The following RANBP2 variants were observed in gnomAD, a reference collection of about 807,000 sequenced individuals.
The protein encoded by RANBP2 is RAN binding protein 2.
In RANBP2, 57 loss-of-function variants were observed where a neutral mutation model predicts 303.6. The observed-to-expected ratio is 0.19, with a 90% confidence interval of 0.15 to 0.23. The LOEUF is 0.23. RANBP2 is among the 10% of genes least tolerant of loss of function. The pLI, the probability that RANBP2 is intolerant of heterozygous loss-of-function variation, is 1.00. For synonymous variants in RANBP2, 1,167 were observed against 1,301.5 expected (o/e 0.90, Z 2.23); for missense variants, 3,138 against 3,780.8 (o/e 0.83, Z 4.46).
At chr2:108,941,005 C>T in the RANBP2 span, among the ~76,000 whole-genome samples, 1 of 152,170 alleles carries the variant, frequency 6.6e-6, no homozygotes, top group Non-Finnish European at 1.5e-5. Context: ...TCTCTTGCGC[C>T]CTTGATCATC....
chr2:109,546,569 A>C, the RANBP2 span, among the ~76,000 whole-genome samples: 1 of 152,168 alleles, frequency 6.6e-6, no homozygotes, highest in Non-Finnish European at 1.5e-5. Flanking sequence ...TCCATGCTCA[A>C]TAAAAATAAG....
the RANBP2 span, among the ~76,000 whole-genome samples, chr2:109,297,081 G>T: frequency 4.7e-3 from 712 of 152,158 alleles, 6 homozygotes; most frequent in African/African-American, 0.016. Flanking sequence ...TGGTCCAGGT[G>T]GGGGGTGACC....
the RANBP2 span, among the ~76,000 whole-genome samples, chr2:109,276,801 C>T: frequency 6.6e-6 from 1 of 152,136 alleles, no homozygotes; most frequent in Non-Finnish European, 1.5e-5. Context: ...ATATATACTA[C>T]CTTTTTCCTA....
the RANBP2 span, among the ~76,000 whole-genome samples, chr2:108,953,937 A>G: frequency 6.6e-6 from 1 of 152,218 alleles, no homozygotes; most frequent in African/African-American, 2.4e-5. Context: ...ACATATTATA[A>G]GTGAGACACT....
chr2:109,565,568 G>A, the RANBP2 span, among the ~76,000 whole-genome samples: 12 of 152,112 alleles, frequency 7.9e-5, no homozygotes, highest in Non-Finnish European at 1.6e-4. Context: ...CGTGGGGGCG[G>A]GGGTAATGTG....
intron 6 of RANBP2, among the ~76,000 whole-genome samples, chr2:108,739,074 G>C (rs1470518831): frequency 6.6e-6 from 1 of 151,936 alleles, no homozygotes; most frequent in African/African-American, 2.4e-5. Flanking sequence ...TCCTCTTTCA[G>C]TCTGTAAAAC....
In RANBP2 at chr2:108,784,138, C is replaced by T. The variant is rs1421439895; in HGVS notation, c.*237C>T. 7.4e-5 allele frequency: 35 copies of T among 472,874 alleles called. No individual in the cohort carries two copies. The highest frequency in any genetic ancestry group is 5.5e-4 in the South Asian group (21 of 38,366). 29.3% of individuals were successfully genotyped at this position (472,874 alleles called of 1,614,324 possible). A position where few individuals can be genotyped will look rare whatever the true frequency, so the allele number is the denominator to read the frequency against. ...TGTACTTGTGTTTATGTACTCCTGA[C>T]GTATTAAAATGGAATAATACTAATC... On this transcript the variant is annotated 3_prime_UTR_variant, in exon 29 of 29. Transcript: ENST00000283195.
the RANBP2 span, among the ~76,000 whole-genome samples, chr2:109,682,955 G>T: frequency 7.2e-5 from 11 of 152,008 alleles, no homozygotes; most frequent in African/African-American, 2.7e-4. Context: ...TACCACCCCC[G>T]CTCAATCATC....
the RANBP2 span, among the ~76,000 whole-genome samples, chr2:108,888,280 G>A: frequency 2.0e-5 from 3 of 152,146 alleles, no homozygotes; most frequent in South Asian, 2.1e-4. Flanking sequence ...ATTTTGTGGA[G>A]GACTTTTGCA....
At chr2:109,312,902 G>T in the RANBP2 span, among the ~76,000 whole-genome samples, 13 of 152,160 alleles carry the variant, frequency 8.5e-5, no homozygotes, top group Non-Finnish European at 7.3e-5. Context: ...GACTTGCTGG[G>T]TCACGTGGTC....
At chr2:109,623,417 G>A in the RANBP2 span, among the ~76,000 whole-genome samples, 5 of 152,102 alleles carry the variant, frequency 3.3e-5, no homozygotes, top group African/African-American at 7.2e-5. Flanking sequence ...GCTTGTACTC[G>A]GGGGCTGTTT....
the RANBP2 span, among the ~76,000 whole-genome samples, chr2:108,925,896 G>A: frequency 6.6e-6 from 1 of 152,108 alleles, no homozygotes; most frequent in African/African-American, 2.4e-5. Context: ...GATTACAGGC[G>A]TGAACCACCG....
the RANBP2 span, chr2:109,398,769 C>T: frequency 4.3e-6 from 7 of 1,613,636 alleles, no homozygotes; most frequent in African/African-American, 9.3e-5. Context: ...GCAAGAAGAA[C>T]ACCAAGAAAC....
At chr2:109,444,131 A>T in the RANBP2 span, among the ~76,000 whole-genome samples, 1 of 152,136 alleles carries the variant, frequency 6.6e-6, no homozygotes, top group Admixed American at 6.5e-5. Context: ...TGAAAACTAA[A>T]CAGTTTACTT....
the RANBP2 span, among the ~76,000 whole-genome samples, chr2:109,587,728 A>G: frequency 6.6e-6 from 1 of 152,116 alleles, no homozygotes; most frequent in African/African-American, 2.4e-5. Context: ...CCTGGCTAAC[A>G]CGGTGAAACC....
chr2:109,190,500 C>T, the RANBP2 span, among the ~76,000 whole-genome samples: 1 of 152,314 alleles, frequency 6.6e-6, no homozygotes, highest in South Asian at 2.1e-4. Flanking sequence ...AGATTGTTTC[C>T]GATGGGTTGT....
chr2:109,140,306 G>A, the RANBP2 span, among the ~76,000 whole-genome samples: 1 of 152,050 alleles, frequency 6.6e-6, no homozygotes, highest in Non-Finnish European at 1.5e-5. Context: ...CCGGTTCTTT[G>A]TGAATCATAA....
chr2:109,707,589 C>T, the RANBP2 span, among the ~76,000 whole-genome samples: 1 of 152,224 alleles, frequency 6.6e-6, no homozygotes, highest in Non-Finnish European at 1.5e-5. Context: ...ACCACCCGCC[C>T]TGCCCTCCCT....
At chr2:109,705,594 G>A in the RANBP2 span, among the ~76,000 whole-genome samples, 1 of 152,206 alleles carries the variant, frequency 6.6e-6, no homozygotes, top group East Asian at 1.9e-4. Flanking sequence ...ATAGTTCCAT[G>A]AGGTTCCATC....
Sources: gnomAD v4.1 joint callset for allele counts (sites outside exome capture counted in the v4.1 genomes callset) on GRCh38, gnomAD v4.1.1 for gene constraint, MANE v1.5 for transcripts, NCBI Gene and HGNC (gene_info 2026-07-23, HGNC 2026-07-21) for gene names.